The following ZFHX3 variants were observed in gnomAD, a reference collection of about 807,000 sequenced individuals.
ZFHX3 encodes the protein zinc finger homeobox protein 3.
ZFHX3 carries 42 observed loss-of-function variants against 279.1 expected under a neutral mutation model. That is an observed-to-expected ratio of 0.15 (90% CI 0.12 to 0.19). The LOEUF is 0.19. Among genes scored for constraint, ZFHX3 ranks in the 10% least tolerant of loss-of-function variants. ZFHX3 has a pLI of 1.00. For missense variants in ZFHX3, 4,981 were observed against 4,754.0 expected, an observed-to-expected ratio of 1.05 and a Z score of -1.40; for synonymous variants, 2,293 against 1,957.8, an observed-to-expected ratio of 1.17 and a Z score of -4.52.
At chr16:73,124,511 G>A (rs1015328041) in intron 7 of ZFHX3, among the ~76,000 whole-genome samples, 1 of 152,148 alleles carries the variant, frequency 6.6e-6, no homozygotes, top group Non-Finnish European at 1.5e-5. Context: ...TCAGAGTGCG[G>A]GCTTTGGAGC....
intron 2 of ZFHX3, among the ~76,000 whole-genome samples, chr16:73,469,212 A>G (rs2018621196): frequency 6.6e-6 from 1 of 152,166 alleles, no homozygotes; most frequent in Non-Finnish European, 1.5e-5. Flanking sequence ...AATCCTAGAC[A>G]AGGGATCTCA....
intron 1 of ZFHX3, among the ~76,000 whole-genome samples, chr16:73,036,888 G>A (rs1325921967): frequency 2.0e-5 from 3 of 152,154 alleles, no homozygotes; most frequent in Non-Finnish European, 2.9e-5. Flanking sequence ...AAGAGTCTGA[G>A]GGAAGTCAGA....
chr16:72,784,216 C>G lies in ZFHX3; in HGVS notation c.*2948G>C, dbSNP rs1776255336. On this transcript the variant is annotated 3_prime_UTR_variant, in exon 10 of 10. Coordinates refer to ENST00000268489, the MANE Select transcript of ZFHX3 (RefSeq NM_006885.4). ...GCATAACAAAACACTGACAGTCACT[C>G]TGCCTCACAGAGGGAGGATGGCATA... is the stretch of plus-strand genomic sequence containing the variant. 1 of 151,836 alleles carries G rather than the reference C, an allele frequency of 6.6e-6. No homozygotes were observed. Among genetic ancestry groups the G allele is most frequent in the African/African-American group, 2.4e-5 (1 of 41,072 alleles). 9.4% of individuals were successfully genotyped at this position (151,836 alleles called of 1,614,324 possible). A position where few individuals can be genotyped will look rare whatever the true frequency, so the allele number is the denominator to read the frequency against.
At chr16:73,705,213 T>C (rs73599924) in intron 1 of ZFHX3, among the ~76,000 whole-genome samples, 4,408 of 152,284 alleles carry the variant, frequency 0.029, 211 homozygotes, top group African/African-American at 0.1. Context: ...AATGGCCGTG[T>C]TTAGCAACCA....
intron 1 of ZFHX3, among the ~76,000 whole-genome samples, chr16:73,686,792 T>G (rs1264664270): frequency 6.6e-6 from 1 of 151,864 alleles, no homozygotes; most frequent in Non-Finnish European, 1.5e-5. Context: ...GTTTCTGGAT[T>G]GAAACCTTAT....
At chr16:73,870,343 C>G (rs1187992880) in intron 1 of ZFHX3, among the ~76,000 whole-genome samples, 1 of 152,120 alleles carries the variant, frequency 6.6e-6, no homozygotes, top group Non-Finnish European at 1.5e-5. Context: ...TTGCCTGCAG[C>G]CAATCCTGGG....
upstream of ZFHX3, among the ~76,000 whole-genome samples, chr16:73,063,161 CGCCACCG>C: frequency 6.6e-6 from 1 of 152,248 alleles, no homozygotes; most frequent in South Asian, 2.1e-4. Context: ...TCAGAGGCGC[CGCCACCG>C]GCGGCCTCTG....
chr16:73,256,266 G>C (rs556120393), intron 5 of ZFHX3, among the ~76,000 whole-genome samples: 24 of 152,226 alleles, frequency 1.6e-4, no homozygotes, highest in African/African-American at 5.8e-4. Context: ...GGACTACAGA[G>C]CCAGGAATCA....
At chr16:73,188,846 G>C (rs903979217) in intron 5 of ZFHX3, among the ~76,000 whole-genome samples, 1 of 150,380 alleles carries the variant, frequency 6.6e-6, no homozygotes, top group Admixed American at 6.7e-5. Flanking sequence ...AGGGAGGCTA[G>C]CGTCTGGATA....
intron 1 of ZFHX3, among the ~76,000 whole-genome samples, chr16:73,027,426 G>A (rs983587770): frequency 4.6e-5 from 7 of 152,298 alleles, no homozygotes; most frequent in South Asian, 4.1e-4. Context: ...TACAGCTTGC[G>A]CATGCAGGCG....
At chr16:73,108,515 C>T (rs1309266352) in intron 7 of ZFHX3, among the ~76,000 whole-genome samples, 1 of 152,032 alleles carries the variant, frequency 6.6e-6, no homozygotes, top group Admixed American at 6.6e-5. Context: ...GTGATCCTCC[C>T]ACCTTGACCT....
chr16:73,812,462 A>G (rs751848985), intron 1 of ZFHX3, among the ~76,000 whole-genome samples: 1 of 152,174 alleles, frequency 6.6e-6, no homozygotes, highest in Non-Finnish European at 1.5e-5. Context: ...AACTGACTGC[A>G]TTCGTTGACC....
intron 5 of ZFHX3, among the ~76,000 whole-genome samples, chr16:73,159,020 C>T (rs896377865): frequency 6.6e-6 from 1 of 152,122 alleles, no homozygotes; most frequent in Non-Finnish European, 1.5e-5. Context: ...TAGGAACAGG[C>T]AAAGATTTCA....
In ZFHX3 at chr16:73,839,162, T is replaced by A. The variant is rs1329136769; in HGVS notation, c.-1608+52489A>T. ...AAAAGTTAGGTTGGCTGGGCACACA[T>A]CCTGGTGAACATGGTGAAACCCTGT... On this transcript the variant is annotated intron_variant, in intron 1 of 17. Coordinates refer to the ZFHX3 transcript ENST00000641206. Among the ~76,000 whole-genome samples, 7 of 151,428 alleles carry A rather than the reference T, an allele frequency of 4.6e-5. No individual in the cohort carries two copies. The East Asian group carries it at 1.4e-3, about 30-fold the overall frequency.
chr16:73,770,403 G>C (rs1045233256), intron 1 of ZFHX3, among the ~76,000 whole-genome samples: 7 of 152,294 alleles, frequency 4.6e-5, no homozygotes, highest in African/African-American at 1.7e-4. Context: ...AACTTCTAAA[G>C]TCCAGAACTA....
intron 4 of ZFHX3, among the ~76,000 whole-genome samples, chr16:73,274,596 T>C (rs2014241990): frequency 6.6e-6 from 1 of 152,242 alleles, no homozygotes; most frequent in African/African-American, 2.4e-5. Flanking sequence ...GTAATTCATC[T>C]ATTCTTTCCT....
chr16:73,012,922 T>C (rs915712207), intron 1 of ZFHX3, among the ~76,000 whole-genome samples: 6 of 152,168 alleles, frequency 3.9e-5, no homozygotes, highest in Non-Finnish European at 8.8e-5. Flanking sequence ...ATTTGCAATA[T>C]CTCTTGTAGC....
At chr16:73,591,570 G>A (rs1245728748) in intron 2 of ZFHX3, among the ~76,000 whole-genome samples, 1 of 151,130 alleles carries the variant, frequency 6.6e-6, no homozygotes, top group Non-Finnish European at 1.5e-5. Context: ...GCGGGCACCT[G>A]TAGTCCCAGT....
chr16:73,552,793 A>G (rs2020221120), intron 2 of ZFHX3, among the ~76,000 whole-genome samples: 1 of 152,218 alleles, frequency 6.6e-6, no homozygotes, highest in South Asian at 2.1e-4. Flanking sequence ...GTATTAAAAA[A>G]ACCTTAGATT....
Sources: gnomAD v4.1 joint callset for allele counts (sites outside exome capture counted in the v4.1 genomes callset) on GRCh38, gnomAD v4.1.1 for gene constraint, MANE v1.5 for transcripts, NCBI Gene and HGNC (gene_info 2026-07-23, HGNC 2026-07-21) for gene names.